CNFN: variants seen among roughly 807,000 people sequenced by gnomAD.
CNFN encodes the protein cornefied envelope protein cornefilin.
A neutral mutation model predicts 14.9 loss-of-function variants in CNFN; 10 were observed. That is an observed-to-expected ratio of 0.67 (90% CI 0.41 to 1.14). CNFN has a LOEUF of 1.14. CNFN is among the 50% of genes most tolerant of loss of function. The pLI is 0.00. For missense variants in CNFN, 165 were observed against 152.8 expected (o/e 1.08, Z -0.42); for synonymous variants, 66 against 60.0 (o/e 1.10, Z -0.46).
chr19:42,387,492 G>C lies in CNFN; in HGVS notation c.113-16C>G. ...CCGCACAGACCTGGGCGGGGCGCAG[G>C]CGCTCAGGGGCGGGGCCAGCCGGGG... On this transcript the variant is annotated splice_polypyrimidine_tract_variant and intron_variant, in intron 2 of 3. Coordinates refer to ENST00000222032, the MANE Select transcript of CNFN (RefSeq NM_032488.4). The C allele has an allele frequency of 6.5e-7, 1 of 1,543,038 alleles. No individual in the cohort carries two copies. The highest frequency in any genetic ancestry group is 8.7e-7 in the Non-Finnish European group (1 of 1,146,884).
chr19:42,387,671 CTTCTTTTTTTTTTTTTT>C (rs907228561), intron 2 of CNFN, among the ~76,000 whole-genome samples, 195 bp from the exon 3 acceptor site: 1 of 136,426 alleles, frequency 7.3e-6, no homozygotes, highest in Admixed American at 7.2e-5. Context: ...TTTTTTTTTT[CTTCTTTTTTTTTTTTTT>C]TAGAAATTGG....
At chr19:42,388,005 A>AAAAC (rs1555786087) in intron 2 of CNFN, among the ~76,000 whole-genome samples, 44 of 143,714 alleles carry the variant, frequency 3.1e-4, no homozygotes, top group African/African-American at 1.2e-3. Flanking sequence ...CAAAACAAAA[A>AAAAC]AAAAAACGAA....
At position 42,389,774 on chromosome 19, in the gene CNFN, G is replaced by A. The variant is rs73932900; in HGVS notation, c.-3+466C>T. Among the ~76,000 whole-genome samples the A allele has an allele frequency of 5.8e-3, 880 of 152,336 alleles. 12 individuals are homozygous for A. The highest frequency in any genetic ancestry group is 0.02 in the African/African-American group (837 of 41,574). Reference sequence around the variant, plus strand: ...CTCGCCCATGTCTTTCCAACTGCCCGACAGATTGCAGAGGACCCTCCCCAT... The same window carrying A: ...CTCGCCCATGTCTTTCCAACTGCCCAACAGATTGCAGAGGACCCTCCCCAT... On this transcript the variant is annotated intron_variant, in intron 1 of 3. Coordinates refer to ENST00000222032, the MANE Select transcript of CNFN (RefSeq NM_032488.4).
intron 1 of CNFN, among the ~76,000 whole-genome samples, chr19:42,390,015 G>C (rs2039886408): frequency 6.6e-6 from 1 of 152,240 alleles, no homozygotes; most frequent in Non-Finnish European, 1.5e-5. Context: ...AGGCCAAGGG[G>C]GTTCATAGAG....
intron 2 of CNFN, among the ~76,000 whole-genome samples, 192 bp from the exon 3 acceptor site, chr19:42,387,668 T>TC (rs1256062376): frequency 6.7e-6 from 1 of 149,934 alleles, no homozygotes; most frequent in East Asian, 1.9e-4. Flanking sequence ...TTTTTTTTTT[T>TC]TTCTTCTTTT....
intron 1 of CNFN, among the ~76,000 whole-genome samples, chr19:42,389,317 C>G (rs1363680518): frequency 6.6e-6 from 1 of 152,224 alleles, no homozygotes; most frequent in Non-Finnish European, 1.5e-5. Flanking sequence ...TGGGTGGGGC[C>G]TGGCGGTGCC....
intron 2 of CNFN, among the ~76,000 whole-genome samples, chr19:42,388,050 C>G (rs964535968): frequency 2.0e-5 from 3 of 151,246 alleles, no homozygotes; most frequent in African/African-American, 7.3e-5. Flanking sequence ...ATTAAAGTCT[C>G]GGTCTGTCAT....
chr19:42,388,935 T>A lies in CNFN; in HGVS notation c.103A>T (p.Met35Leu), dbSNP rs2039876733. The change falls in exon 2 of 4, where the codon ATG becomes TTG. Residue 35 changes from methionine (M) to leucine (L), a missense_variant. Physicochemically the swap from Met to Leu is conservative, Grantham distance 15 (BLOSUM62 2). Coordinates refer to ENST00000222032, the MANE Select transcript of CNFN (RefSeq NM_032488.4). ...HTGLTDCCNDMPVCLCGTFAP... is the reference protein window; with the variant it reads ...HTGLTDCCNDLPVCLCGTFAP... ...GCAGGCAGGCACTCACAGACAGGCA[T>A]GTCGTTGCAGCAGTCCGTGAGACCT... is the stretch of plus-strand genomic sequence containing the variant. 1 of 1,612,250 alleles carries A rather than the reference T, an allele frequency of 6.2e-7. No homozygotes were observed. Among genetic ancestry groups the A allele is most frequent in the Non-Finnish European group, 8.5e-7 (1 of 1,179,012 alleles).
rs778624700 is a variant in CNFN at position 42,387,394 on chromosome 19, C to T, written c.195G>A (p.Leu65=). Residue 65 remains leucine, a synonymous_variant, in exon 3 of 4, where the codon CTG becomes CTA. Transcript: ENST00000222032. ...TGCGGATGGAGTGCAGGCCTCCGGGCAGGTAGGGCGCGCAGCAGCACTCGC... is the reference window on the plus strand; with the variant it reads ...TGCGGATGGAGTGCAGGCCTCCGGGTAGGTAGGGCGCGCAGCAGCACTCGC... The part of the protein sequence containing the change: ...DFGECCCAPY[L]PGGLHSIRTG... 2.5e-6 allele frequency: 4 copies of T among 1,601,758 alleles called. No homozygotes were observed. The highest frequency in any genetic ancestry group is 2.2e-5 in the South Asian group (2 of 89,578).
chr19:42,387,150 T>A lies in CNFN; in HGVS notation c.*3A>T, dbSNP rs1312854328. 9.9e-6 allele frequency: 16 copies of A among 1,614,106 alleles called. No individual in the cohort carries two copies. The highest frequency in any genetic ancestry group is 1.3e-5 in the Non-Finnish European group (15 of 1,179,980). ...AAAAGGACGGGGAAGACAGGGAACTTCCTTACTCTCGGATCTTCAGTTCCC... is the reference window on the plus strand; with the variant it reads ...AAAAGGACGGGGAAGACAGGGAACTACCTTACTCTCGGATCTTCAGTTCCC... On this transcript the variant is annotated 3_prime_UTR_variant, in exon 4 of 4. Transcript: ENST00000222032.
intron 3 of CNFN, 47 bp downstream of exon 3, chr19:42,387,293 C>G: frequency 6.2e-7 from 1 of 1,604,664 alleles, no homozygotes; most frequent in Non-Finnish European, 8.5e-7. Flanking sequence ...TCCCAGGAGG[C>G]CAGTCCCCAG....
chr19:42,388,953 T>A lies in CNFN; in HGVS notation c.85A>T (p.Thr29Ser). 1 of 1,613,172 alleles carries A rather than the reference T, an allele frequency of 6.2e-7. No individual in the cohort carries two copies. The highest frequency in any genetic ancestry group is 8.5e-7 in the Non-Finnish European group (1 of 1,179,432). ...TQLSDWHTGL[T>S]DCCNDMPVCL... ...ACAGGCATGTCGTTGCAGCAGTCCG[T>A]GAGACCTGTGTGCCAGTCACTGAGC... Residue 29 changes from threonine (T) to serine (S), a missense_variant, in exon 2 of 4, where the codon ACG becomes TCG. Physicochemically the swap from Thr to Ser is moderately conservative, Grantham distance 58. Transcript: ENST00000222032.
chr19:42,389,661 G>T (rs1276352087), intron 1 of CNFN: 1 of 479,096 alleles, frequency 2.1e-6, no homozygotes, highest in Non-Finnish European at 3.6e-6. Flanking sequence ...GGCTCTCAGG[G>T]GGAGGGGAGC....
intron 1 of CNFN, chr19:42,389,698 G>C: frequency 2.4e-6 from 1 of 425,482 alleles, no homozygotes; most frequent in Non-Finnish European, 4.5e-6. Flanking sequence ...AAGTCAGCCT[G>C]TCAACCAGGA....
In CNFN at chr19:42,387,444, C is replaced by G; in HGVS notation, c.145G>C (p.Ala49Pro). The G allele has an allele frequency of 6.3e-7, 1 of 1,596,732 alleles. No homozygotes were observed. Among genetic ancestry groups the G allele is most frequent in the Admixed American group, 1.7e-5 (1 of 58,116 alleles). The change falls in exon 3 of 4, where the codon GCC (alanine) becomes CCC (proline). Residue 49 changes from alanine (A) to proline (P), a missense_variant. Transcript: ENST00000222032. The part of the protein sequence containing the change: ...LCGTFAPLCL[A>P]CRISDDFGEC... Reference sequence around the variant, plus strand: ...CCAAAGTCGTCGGAGATGCGGCAGGCAAGGCACAGAGGAGCAAAAGTGCCG... The same window carrying G: ...CCAAAGTCGTCGGAGATGCGGCAGGGAAGGCACAGAGGAGCAAAAGTGCCG...
intron 1 of CNFN, chr19:42,389,482 G>A (rs748767780): frequency 7.7e-7 from 1 of 1,291,250 alleles, no homozygotes; most frequent in South Asian, 1.2e-5. Context: ...CCACCCAGCG[G>A]TCCCACCTTT....
chr19:42,389,641 C>T, intron 1 of CNFN: 4 of 125,898 alleles, frequency 3.2e-5, no homozygotes, highest in East Asian at 3.3e-4. Flanking sequence ...GACTGGGGCA[C>T]TGGGGGCTGG....
rs2147532971 is a variant in CNFN at position 42,389,026 on chromosome 19, A to G, written c.12T>C (p.Pro4=). 1.9e-6 allele frequency: 3 copies of G among 1,613,254 alleles called. No homozygotes were observed. The highest frequency in any genetic ancestry group is 2.5e-6 in the Non-Finnish European group (3 of 1,179,590). ...TGGCGCACTGGGGCTGACTGGTCAC[A>G]GGGTAGGACATAGCTGCAGAGGTGG... MSY[P]VTSQPQCATT... is the part of the protein sequence containing the mutation. The change falls in exon 2 of 4, where the codon CCT becomes CCC. Residue 4 remains proline, a synonymous_variant. Transcript: ENST00000222032.
intron 2 of CNFN, among the ~76,000 whole-genome samples, chr19:42,388,478 C>G (rs926703821): frequency 6.6e-6 from 1 of 152,276 alleles, no homozygotes; most frequent in Admixed American, 6.5e-5. Context: ...CAGGCGTGAG[C>G]CACTGCGCCC....
Sources: allele counts gnomAD v4.1 joint callset (sites outside exome capture counted in the v4.1 genomes callset), GRCh38; gene constraint gnomAD v4.1.1; transcripts MANE v1.5; gene names NCBI Gene and HGNC (gene_info 2026-07-23, HGNC 2026-07-21).